ZNF236: variants seen among roughly 807,000 people sequenced by gnomAD.
The protein encoded by ZNF236 is regulated by glucose.
Under a neutral mutation model 191.2 loss-of-function variants are expected in ZNF236, and 50 were observed. That is an observed-to-expected ratio of 0.26 (90% CI 0.21 to 0.33). The LOEUF is 0.33. ZNF236 is among the 10% of genes least tolerant of loss of function. The pLI, the probability that ZNF236 is intolerant of heterozygous loss-of-function variation, is 1.00. For synonymous variants in ZNF236, 907 were observed against 928.8 expected, an observed-to-expected ratio of 0.98 and a Z score of 0.43; for missense variants, 1,754 against 2,374.5, an observed-to-expected ratio of 0.74 and a Z score of 5.43.
At chr18:76,963,502 T>C (rs149856445) in intron 30 of ZNF236, among the ~76,000 whole-genome samples, 5,357 of 152,314 alleles carry the variant, frequency 0.035, 323 homozygotes, top group African/African-American at 0.12. Context: ...GATTTTAGCA[T>C]CTATGTTCAT....
chr18:76,918,013 A>G (rs1484181966), intron 19 of ZNF236, among the ~76,000 whole-genome samples: 1 of 150,478 alleles, frequency 6.6e-6, no homozygotes, highest in Non-Finnish European at 1.5e-5. Context: ...TTTCCCTTTT[A>G]TGTGCTAAGA....
chr18:76,872,367 A>T (rs142221862), intron 5 of ZNF236, among the ~76,000 whole-genome samples: 13 of 152,194 alleles, frequency 8.5e-5, no homozygotes, highest in Admixed American at 8.5e-4. Flanking sequence ...TGTAGCCCTG[A>T]AGTGGGAGGA....
intron 1 of ZNF236, among the ~76,000 whole-genome samples, chr18:76,840,415 A>T (rs1360283342): frequency 6.6e-6 from 1 of 151,818 alleles, no homozygotes; most frequent in Admixed American, 6.6e-5. Flanking sequence ...AATCGCTTGA[A>T]CCCAGGAGGT....
intron 26 of ZNF236, among the ~76,000 whole-genome samples, chr18:76,939,527 G>A (rs1157529268): frequency 3.9e-5 from 6 of 152,160 alleles, no homozygotes; most frequent in South Asian, 2.1e-4. Context: ...GGCAGGGGGA[G>A]GCTGGATGGG....
At chr18:76,827,499 A>C (rs993409438) in intron 1 of ZNF236, among the ~76,000 whole-genome samples, 29 of 152,182 alleles carry the variant, frequency 1.9e-4, no homozygotes, top group African/African-American at 7.0e-4. Context: ...AACTATTTTT[A>C]GAGCACTTCC....
At chr18:76,836,282 G>A (rs1313297063) in intron 1 of ZNF236, among the ~76,000 whole-genome samples, 1 of 151,326 alleles carries the variant, frequency 6.6e-6, no homozygotes, top group African/African-American at 2.4e-5. Flanking sequence ...GTGCAGTGGT[G>A]CGAGCATAGC....
intron 29 of ZNF236, 45 bp downstream of exon 29, chr18:76,959,861 G>T (rs1968617298): frequency 1.3e-6 from 2 of 1,583,800 alleles, no homozygotes; most frequent in Admixed American, 1.8e-5. Context: ...CTTTGAAGTA[G>T]ACATCATGGG....
At chr18:76,965,701 A>G (rs545666965) in intron 30 of ZNF236, among the ~76,000 whole-genome samples, 22 of 152,354 alleles carry the variant, frequency 1.4e-4, no homozygotes, top group Admixed American at 9.1e-4. Context: ...CCGGGCTGGT[A>G]CTAGGGGTTG....
At chr18:76,910,549 C>T (rs1289016640) in intron 15 of ZNF236, 111 bp from the exon 16 acceptor site, 3 of 1,093,780 alleles carry the variant, frequency 2.7e-6, no homozygotes, top group Non-Finnish European at 3.9e-6. Context: ...AATTCTAATT[C>T]AGAAAATAGA....
chr18:76,959,804 C>T lies in ZNF236; in HGVS notation c.5230C>T (p.Arg1744Cys), dbSNP rs1599428407. The change falls in exon 29 of 31, where the codon CGC becomes TGC. Residue 1744 changes from arginine (R) to cysteine (C), a missense_variant. Transcript: ENST00000320610. ...AKPSQLERHS[R>C]IHTGERPFHC... ...ACCAAGCCAGCTGGAGCGCCACAGC[C>T]GCATACATACAGGTAACGGGGAAGG... is the stretch of plus-strand genomic sequence containing the variant. 8 of 1,613,962 alleles carry T rather than the reference C, an allele frequency of 5.0e-6. No homozygotes were observed. The highest frequency in any genetic ancestry group is 1.3e-5 in the African/African-American group (1 of 75,006).
chr18:76,844,972 T>G (rs1317925318), intron 1 of ZNF236, among the ~76,000 whole-genome samples: 1 of 152,186 alleles, frequency 6.6e-6, no homozygotes, highest in African/African-American at 2.4e-5. Context: ...ATGGCCGTGG[T>G]CCTAAGTTAT....
chr18:76,968,324 C>A lies in ZNF236; in HGVS notation c.5529C>A (p.Leu1843=), dbSNP rs200705605. 2 of 1,607,710 alleles carry A rather than the reference C, an allele frequency of 1.2e-6. No individual in the cohort carries two copies. Among genetic ancestry groups the A allele is most frequent in the Middle Eastern group, 3.3e-4 (2 of 6,040 alleles). Residue 1843 remains leucine, a synonymous_variant, in exon 31 of 31, where the codon CTC becomes CTA. Coordinates refer to ENST00000320610, the MANE Select transcript of ZNF236 (RefSeq NM_001306089.2). ...AGGCCGCCGGCGAGTGGCAGGCCCT[C>A]ACCCACGTCTTCTGATGCGAGTTGG... ...VQEAAGEWQA[L]THVF
At chr18:76,933,073 G>GC (rs1208716540) in intron 25 of ZNF236, among the ~76,000 whole-genome samples, 5 of 152,192 alleles carry the variant, frequency 3.3e-5, no homozygotes, top group Non-Finnish European at 7.3e-5. Context: ...TGGGTGCAAG[G>GC]CTCCCACATG....
In ZNF236 at chr18:76,919,703, GT is replaced by G; in HGVS notation, c.3275-69del. On this transcript the variant is annotated intron_variant, in intron 19 of 30. Coordinates refer to ENST00000320610, the MANE Select transcript of ZNF236 (RefSeq NM_001306089.2). The surrounding 1 kb of genome is among the most constrained non-coding windows in gnomAD (Gnocchi z 5.3). ...TTTTCATTACATACATACCTATTTA[GT>G]TTTAATTGTTTTGCTAAAAACCTAG... is the stretch of plus-strand genomic sequence containing the variant. 6.5e-7 allele frequency: 1 copy of G among 1,543,782 alleles called. No homozygotes were observed. Among genetic ancestry groups the G allele is most frequent in the South Asian group, 1.2e-5 (1 of 83,720 alleles).
intron 19 of ZNF236, among the ~76,000 whole-genome samples, chr18:76,916,975 C>T (rs773751366): frequency 1.2e-4 from 19 of 152,136 alleles, no homozygotes; most frequent in Non-Finnish European, 1.9e-4. Flanking sequence ...CTGGGGTCCC[C>T]GGTGGGTTAT....
intron 19 of ZNF236, among the ~76,000 whole-genome samples, chr18:76,918,820 G>A (rs1048003538): frequency 2.0e-5 from 3 of 152,124 alleles, no homozygotes; most frequent in Admixed American, 6.5e-5. Context: ...TTCCCAAAGC[G>A]GTGGGATTAC....
chr18:76,942,708 G>T (rs1428506643), intron 26 of ZNF236, among the ~76,000 whole-genome samples: 2 of 150,434 alleles, frequency 1.3e-5, no homozygotes, highest in Non-Finnish European at 3.0e-5. Flanking sequence ...TAGAGACGGG[G>T]TTTCACCATG....
chr18:76,864,253 G>T (rs924850633), intron 3 of ZNF236, among the ~76,000 whole-genome samples: 1 of 149,014 alleles, frequency 6.7e-6, no homozygotes, highest in Non-Finnish European at 1.5e-5. Context: ...AGGCTGGAGT[G>T]CAGTGGCACT....
intron 5 of ZNF236, among the ~76,000 whole-genome samples, chr18:76,873,102 G>A (rs1976623086): frequency 2.2e-5 from 2 of 90,796 alleles, no homozygotes; most frequent in Admixed American, 2.7e-4. Flanking sequence ...CATTGTGTCT[G>A]TAGAGTATTC....
Sources: allele counts gnomAD v4.1 joint callset (sites outside exome capture counted in the v4.1 genomes callset), GRCh38; gene constraint gnomAD v4.1.1; non-coding constraint Gnocchi (gnomAD v3.1); transcripts MANE v1.5; gene names NCBI Gene and HGNC (gene_info 2026-07-23, HGNC 2026-07-21).